AGAP1: variants seen among roughly 807,000 people sequenced by gnomAD.
AGAP1 encodes ArfGAP with GTPase domain, ankyrin repeat and PH domain 1.
AGAP1 carries 29 observed loss-of-function variants against 105.3 expected under a neutral mutation model. That is an observed-to-expected ratio of 0.28 (90% CI 0.21 to 0.38). The LOEUF is 0.38. Ranked by LOEUF, AGAP1 falls within the 10% of genes least tolerant of loss-of-function variation. The pLI is 1.00. For missense variants in AGAP1, 998 were observed against 1,165.1 expected (o/e 0.86, Z 2.09); for synonymous variants, 509 against 485.9 (o/e 1.05, Z -0.63).
rs915744440 is a variant in AGAP1 at position 236,003,536 on chromosome 2, A to G, written c.1646-33025A>G. 2.6e-5 allele frequency among the ~76,000 whole-genome samples: 4 copies of G among 152,226 alleles called. No homozygotes were observed. The highest frequency in any genetic ancestry group is 9.6e-5 in the African/African-American group (4 of 41,454). ...ACAAGGGACCCATGGCCCAGAGCCC[A>G]GAGTCACCCGCAGCCCCCCTGCGCT... is the stretch of plus-strand genomic sequence containing the variant. On this transcript the variant is annotated intron_variant, in intron 13 of 17. Coordinates refer to ENST00000304032, the MANE Select transcript of AGAP1 (RefSeq NM_001037131.3). The surrounding 1 kb of genome is among the most constrained non-coding windows in gnomAD (Gnocchi z 4.2).
chr2:235,571,265 G>A (rs769016907), intron 1 of AGAP1, among the ~76,000 whole-genome samples: 2 of 152,228 alleles, frequency 1.3e-5, no homozygotes, highest in African/African-American at 2.4e-5. Context: ...TGAGGTTTGG[G>A]ATGGGGACAA....
At chr2:235,999,246 G>C (rs955287603) in intron 13 of AGAP1, among the ~76,000 whole-genome samples, 2 of 150,086 alleles carry the variant, frequency 1.3e-5, no homozygotes, top group Non-Finnish European at 1.5e-5. Context: ...AGGTTATAGT[G>C]GTGGTGACAA....
At chr2:235,670,921 C>T (rs911305972) in intron 1 of AGAP1, 1 of 1,337,674 alleles carries the variant, frequency 7.5e-7, no homozygotes, top group Non-Finnish European at 9.5e-7. Flanking sequence ...TCTTCGCGCG[C>T]AGGGACGGGG....
rs7559843 is a variant in AGAP1, at chr2:235,876,941, G to A, written c.1051-6404G>A. 1.7e-3 allele frequency among the ~76,000 whole-genome samples: 249 copies of A among 150,148 alleles called. 2 individuals carry two copies. The highest frequency in any genetic ancestry group is 5.8e-3 in the African/African-American group (236 of 40,518). On this transcript the variant is annotated intron_variant, in intron 9 of 17. Coordinates refer to ENST00000304032, the MANE Select transcript of AGAP1 (RefSeq NM_001037131.3). ...TGGCTCACTGCAACCTCTGCCTCCC[G>A]GGTTCAAGCAATTCTTCTGCCTCAG...
At chr2:235,825,573 A>G in intron 9 of AGAP1, among the ~76,000 whole-genome samples, 1 of 152,238 alleles carries the variant, frequency 6.6e-6, no homozygotes, top group East Asian at 1.9e-4. Context: ...TTAAAAGTAG[A>G]TGGTAGTATT....
intron 9 of AGAP1, among the ~76,000 whole-genome samples, chr2:235,818,529 G>T (rs1466838508): frequency 1.3e-5 from 2 of 152,166 alleles, no homozygotes; most frequent in Non-Finnish European, 2.9e-5. Flanking sequence ...TGCAACCTCT[G>T]TCACCCAGAT....
rs1194944529 is a variant in AGAP1, at chr2:236,073,057, G to A, written c.2114+23776G>A. On this transcript the variant is annotated intron_variant, in intron 16 of 17. Coordinates refer to ENST00000304032, the MANE Select transcript of AGAP1 (RefSeq NM_001037131.3). The surrounding 1 kb of genome is among the most constrained non-coding windows in gnomAD (Gnocchi z 5.4). ...TGTCTCCAGGCTGGAGTGCAGTGGT[G>A]CAATCTCAGCTCACTGCAACTTCCG... Among the ~76,000 whole-genome samples, 3 of 151,500 alleles carry A rather than the reference G, an allele frequency of 2.0e-5. No individual in the cohort carries two copies. The highest frequency in any genetic ancestry group is 1.9e-4 in the East Asian group (1 of 5,142).
At chr2:235,710,497 C>T (rs369206078) in intron 2 of AGAP1, among the ~76,000 whole-genome samples, 10 of 151,484 alleles carry the variant, frequency 6.6e-5, no homozygotes, top group South Asian at 4.2e-4. Context: ...CCGGTGTCTG[C>T]CCCCCGCCCC....
chr2:235,681,122 C>T (rs1949046286), intron 1 of AGAP1, among the ~76,000 whole-genome samples: 2 of 152,284 alleles, frequency 1.3e-5, no homozygotes, highest in South Asian at 4.1e-4. Flanking sequence ...CGTTCTCCTG[C>T]CTCAGCCTCC....
chr2:235,643,431 C>CAAAAAAAAAAAAAAAAAAAAAAAAA (rs56146940), intron 1 of AGAP1, among the ~76,000 whole-genome samples: 4 of 61,418 alleles, frequency 6.5e-5, no homozygotes, highest in African/African-American at 2.7e-4. Context: ...GACTGGGTCT[C>CAAAAAAAAAAAAAAAAAAAAAAAAA]AAAAAAAAAA....
intron 1 of AGAP1, among the ~76,000 whole-genome samples, chr2:235,708,951 T>C (rs3754670): frequency 0.26 from 39,293 of 152,030 alleles, 6,350 homozygotes; most frequent in African/African-American, 0.44. Flanking sequence ...AGTCATTGGA[T>C]AGAGCATGTG....
intron 1 of AGAP1, among the ~76,000 whole-genome samples, chr2:235,638,664 G>A (rs1947091552): frequency 6.6e-6 from 1 of 152,176 alleles, no homozygotes; most frequent in South Asian, 2.1e-4. Flanking sequence ...AGAACTAGGA[G>A]CCATCATTGT....
intron 9 of AGAP1, among the ~76,000 whole-genome samples, chr2:235,860,447 T>C (rs1293630010): frequency 6.6e-6 from 1 of 152,170 alleles, no homozygotes; most frequent in Non-Finnish European, 1.5e-5. Flanking sequence ...CACCACTGTC[T>C]CCCCATACCT....
rs1175432146 is a variant in AGAP1, at chr2:236,000,468, C to T, written c.1645+31845C>T. Among the ~76,000 whole-genome samples the T allele has an allele frequency of 1.3e-5, 2 of 152,164 alleles. No homozygotes were observed. ...CAGTTGTTCAGAGACAGTGGTACTG[C>T]GTCCCCCTCCTCCAGTCCAGTCCCC... On this transcript the variant is annotated intron_variant, in intron 13 of 17. Transcript: ENST00000304032. This position sits in a 1 kb window ranked among gnomAD's most constrained non-coding sequence, Gnocchi z 4.3.
chr2:235,966,933 A>G (rs1281870657), intron 12 of AGAP1, among the ~76,000 whole-genome samples: 2 of 152,206 alleles, frequency 1.3e-5, no homozygotes, highest in Non-Finnish European at 2.9e-5. Flanking sequence ...ATTTCTCAAC[A>G]TATGATAAAA....
At chr2:236,070,160 A>C (rs1469671149) in intron 16 of AGAP1, among the ~76,000 whole-genome samples, 3 of 151,976 alleles carry the variant, frequency 2.0e-5, no homozygotes, top group Non-Finnish European at 4.4e-5. Flanking sequence ...CATGACCCGC[A>C]CCCTCCCCAG....
Position 236,025,583 on chromosome 2 carries a change from C to T in AGAP1, c.1646-10978C>T, listed in dbSNP as rs578014683. Reference sequence around the variant, plus strand: ...GCGTAAATGGTCACTGCAATGCCACCGAAGTGTAAACACGGATTAAACACG... The same window carrying T: ...GCGTAAATGGTCACTGCAATGCCACTGAAGTGTAAACACGGATTAAACACG... On this transcript the variant is annotated intron_variant, in intron 13 of 17. Coordinates refer to ENST00000304032, the MANE Select transcript of AGAP1 (RefSeq NM_001037131.3). Among the ~76,000 whole-genome samples the T allele has an allele frequency of 2.0e-5, 3 of 152,186 alleles. No homozygotes were observed. The East Asian group carries it at 5.8e-4, about 29-fold the overall frequency.
chr2:235,998,979 C>T (rs982471964), intron 13 of AGAP1, among the ~76,000 whole-genome samples: 60 of 138,520 alleles, frequency 4.3e-4, no homozygotes, highest in Non-Finnish European at 1.4e-4. Context: ...CTGGTGGTGA[C>T]GGGGTAGTGG....
intron 1 of AGAP1, among the ~76,000 whole-genome samples, chr2:235,511,472 G>C (rs1196715280): frequency 6.6e-6 from 1 of 152,068 alleles, no homozygotes; most frequent in African/African-American, 2.4e-5. Context: ...TCTCTGTGGG[G>C]ATGTGACTCT....
Sources: gnomAD v4.1 joint callset for allele counts (sites outside exome capture counted in the v4.1 genomes callset) on GRCh38, gnomAD v4.1.1 for gene constraint, Gnocchi (gnomAD v3.1) non-coding constraint, MANE v1.5 for transcripts, NCBI Gene and HGNC (gene_info 2026-07-23, HGNC 2026-07-21) for gene names.